PPM1H: variants seen among roughly 807,000 people sequenced by gnomAD.
The protein encoded by PPM1H is protein phosphatase 1H.
Under a neutral mutation model 54.9 loss-of-function variants are expected in PPM1H, and 27 were observed. That is an observed-to-expected ratio of 0.49 (90% CI 0.36 to 0.68). The LOEUF (loss-of-function observed/expected upper bound fraction) is 0.68, where lower values mean the gene tolerates loss of function less well. Among genes scored for constraint, PPM1H ranks in the 30% least tolerant of loss-of-function variants. The pLI is 0.00. For missense variants in PPM1H, 596 were observed against 667.8 expected, an observed-to-expected ratio of 0.89 and a Z score of 1.19; for synonymous variants, 305 against 270.8, an observed-to-expected ratio of 1.13 and a Z score of -1.24.
At chr12:62,770,572 A>C (rs2076572996) in intron 4 of PPM1H, among the ~76,000 whole-genome samples, 1 of 152,140 alleles carries the variant, frequency 6.6e-6, no homozygotes, top group African/African-American at 2.4e-5. Flanking sequence ...TGATCTATTA[A>C]CATTGAGAAA....
chr12:62,803,518 T>C (rs1234159704), intron 2 of PPM1H, among the ~76,000 whole-genome samples: 1 of 152,142 alleles, frequency 6.6e-6, no homozygotes, highest in Non-Finnish European at 1.5e-5. Flanking sequence ...AATTGGGCCC[T>C]ATTCTTATAT....
rs1044081261 is a variant in PPM1H, at chr12:62,687,969, A to C, written c.1245+1730T>G. Among the ~76,000 whole-genome samples the C allele has an allele frequency of 2.7e-5, 4 of 149,330 alleles. No individual in the cohort carries two copies. The South Asian group carries it at 8.4e-4, about 31-fold the overall frequency. On this transcript the variant is annotated intron_variant, in intron 8 of 9. Coordinates refer to ENST00000228705, the MANE Select transcript of PPM1H (RefSeq NM_020700.2). ...GGGTGCAGTGAGCCAACATTGCACC[A>C]CTGCACTCCAGCCTGGGCAACAGAG...
intron 2 of PPM1H, among the ~76,000 whole-genome samples, chr12:62,818,987 A>AT (rs1341649519): frequency 6.6e-6 from 1 of 151,690 alleles, no homozygotes; most frequent in African/African-American, 2.4e-5. Context: ...AGCCCAGCTA[A>AT]TTTTTTGTGT....
Position 62,673,715 on chromosome 12 carries a change from C to CTTTTTTTTTTTTTTTT in PPM1H, c.1246-6402_1246-6387dup, listed in dbSNP as rs567775927. 9.9e-3 allele frequency among the ~76,000 whole-genome samples: 414 copies of CTTTTTTTTTTTTTTTT among 41,956 alleles called. 90 individuals carry two copies. The highest frequency in any genetic ancestry group is 0.017 in the South Asian group (11 of 652). 27.5% of individuals were successfully genotyped at this position (41,956 alleles called of 152,430 possible). On this transcript the variant is annotated intron_variant, in intron 8 of 9. Transcript: ENST00000228705. Reference sequence around the variant, plus strand: ...GCTTTGTGACTTGAGAAGAGCCACTCTTTTTTTTTTTTTTTTTTTTTTTTT... The same window carrying CTTTTTTTTTTTTTTTT: ...GCTTTGTGACTTGAGAAGAGCCACTCTTTTTTTTTTTTTTTTTTTTTTTTTTTTTTTTTTTTTTTTT...
intron 1 of PPM1H, among the ~76,000 whole-genome samples, chr12:62,909,305 T>G (rs1457847812): frequency 6.6e-6 from 1 of 152,230 alleles, no homozygotes; most frequent in Non-Finnish European, 1.5e-5. Flanking sequence ...ACCTCCCACA[T>G]GGTGGCCAAA....
At chr12:62,793,040 C>A (rs1005121006) in intron 3 of PPM1H, among the ~76,000 whole-genome samples, 1 of 152,002 alleles carries the variant, frequency 6.6e-6, no homozygotes, top group Non-Finnish European at 1.5e-5. Context: ...ATCAATGAAA[C>A]CACGGGAAAA....
intron 1 of PPM1H, among the ~76,000 whole-genome samples, chr12:62,894,895 A>G (rs1870928336): frequency 6.6e-6 from 1 of 152,242 alleles, no homozygotes. Context: ...TACGATTGCA[A>G]TATATTAAAA....
intron 6 of PPM1H, among the ~76,000 whole-genome samples, chr12:62,710,846 G>T (rs1461200505): frequency 1.3e-5 from 2 of 152,170 alleles, no homozygotes; most frequent in African/African-American, 2.4e-5. Context: ...TAGACCTCCT[G>T]AGGCCAGCAG....
chr12:62,931,327 T>C (rs1872125656), intron 1 of PPM1H, among the ~76,000 whole-genome samples: 1 of 152,150 alleles, frequency 6.6e-6, no homozygotes, highest in Non-Finnish European at 1.5e-5. Flanking sequence ...TACCTTCTAG[T>C]ACAAAGAGAA....
At position 62,689,694 on chromosome 12, in the gene PPM1H, G is replaced by A. The variant is rs191289512; in HGVS notation, c.1245+5C>T. The A allele has an allele frequency of 8.3e-5, 134 of 1,607,704 alleles. 1 individual carries two copies. The South Asian group carries it at 1.2e-3, about 14-fold the overall frequency. On this transcript the variant is annotated splice_donor_5th_base_variant and intron_variant, in intron 8 of 9. Transcript: ENST00000228705. ...CAAAATATAAACAAAAACCTCATGCGGTACCTCTGGAGCTGAAGACAGGAA... is the reference window on the plus strand; with the variant it reads ...CAAAATATAAACAAAAACCTCATGCAGTACCTCTGGAGCTGAAGACAGGAA...
chr12:62,724,594 G>A (rs1006280791), intron 5 of PPM1H, among the ~76,000 whole-genome samples: 4 of 152,158 alleles, frequency 2.6e-5, no homozygotes, highest in African/African-American at 9.7e-5. Flanking sequence ...ACTCTGAGGC[G>A]CCTTCACACA....
In PPM1H at chr12:62,646,270, T is replaced by G. The variant is rs2075784282; in HGVS notation, c.*2219A>C. 1 of 152,204 alleles carries G rather than the reference T, an allele frequency of 6.6e-6. No individual in the cohort carries two copies. The highest frequency in any genetic ancestry group is 2.4e-5 in the African/African-American group (1 of 41,444). The allele number at this position is 152,204 out of a possible 1,614,324, so 9.4% of individuals were successfully genotyped here. A position where few individuals can be genotyped will look rare whatever the true frequency, so the allele number is the denominator to read the frequency against. ...TCCTGAGACGTGCCATAGCAGTAAA[T>G]GAATTGGTGAATTGAGTAGAAGGTA... On this transcript the variant is annotated 3_prime_UTR_variant, in exon 10 of 10. Transcript: ENST00000228705.
chr12:62,786,030 C>T (rs1375242356), intron 4 of PPM1H, among the ~76,000 whole-genome samples: 1 of 152,098 alleles, frequency 6.6e-6, no homozygotes, highest in Non-Finnish European at 1.5e-5. Flanking sequence ...AGGAGCAAGG[C>T]ACTCAGTCAC....
chr12:62,794,248 AAATTTAAGACAGCTATGTGGGTTCCC>A (rs1341786667), intron 3 of PPM1H, among the ~76,000 whole-genome samples: 1 of 152,210 alleles, frequency 6.6e-6, no homozygotes, highest in Non-Finnish European at 1.5e-5. Flanking sequence ...AAACCAACTT[AAATTTAAGACAGCTATGTGGGTTCCC>A]AATTTACCAT....
intron 9 of PPM1H, among the ~76,000 whole-genome samples, chr12:62,649,978 A>G (rs2075806818): frequency 6.6e-6 from 1 of 152,180 alleles, no homozygotes; most frequent in Non-Finnish European, 1.5e-5. Flanking sequence ...GGCCTTTTAC[A>G]AGGGACCACC....
chr12:62,748,390 A>C (rs1387228433), intron 4 of PPM1H, among the ~76,000 whole-genome samples: 1 of 152,202 alleles, frequency 6.6e-6, no homozygotes, highest in African/African-American at 2.4e-5. Flanking sequence ...CTGAATGGCA[A>C]AGCAAAGTGC....
intron 3 of PPM1H, among the ~76,000 whole-genome samples, chr12:62,798,777 G>GT (rs1169671811): frequency 3.3e-5 from 5 of 152,112 alleles, no homozygotes; most frequent in African/African-American, 1.2e-4. Flanking sequence ...GCCTACCTGG[G>GT]TTTTTTCTCA....
At chr12:62,755,376 T>G in intron 4 of PPM1H, 2 of 813,076 alleles carry the variant, frequency 2.5e-6, no homozygotes, top group Non-Finnish European at 4.2e-6. Context: ...AGTATGATTT[T>G]GTCTGTGGCA....
intron 2 of PPM1H, among the ~76,000 whole-genome samples, chr12:62,828,444 G>A (rs568663236): frequency 6.6e-6 from 1 of 152,286 alleles, no homozygotes; most frequent in East Asian, 1.9e-4. Context: ...CCTTCAAATA[G>A]CTGCAATTTC....
Sources: gnomAD v4.1 joint callset for allele counts (sites outside exome capture counted in the v4.1 genomes callset) on GRCh38, gnomAD v4.1.1 for gene constraint, MANE v1.5 for transcripts, NCBI Gene and HGNC (gene_info 2026-07-23, HGNC 2026-07-21) for gene names.